KDM3B: variants seen among roughly 807,000 people sequenced by gnomAD.
KDM3B encodes lysine-specific demethylase 3B.
Under a neutral mutation model 170.0 loss-of-function variants are expected in KDM3B, and 10 were observed. The observed-to-expected ratio is 0.06, with a 90% CI of 0.04 to 0.10. The LOEUF is 0.10. Among genes scored for constraint, KDM3B ranks in the 10% least tolerant of loss-of-function variants. KDM3B has a pLI of 1.00. For missense variants in KDM3B, 1,394 were observed against 2,195.2 expected, an observed-to-expected ratio of 0.64 and a Z score of 7.29; for synonymous variants, 831 against 834.8, an observed-to-expected ratio of 1.00 and a Z score of 0.08.
intron 1 of KDM3B, 107 bp downstream of exon 1, chr5:138,353,094 C>T: frequency 1.1e-6 from 1 of 936,650 alleles, no homozygotes; most frequent in Non-Finnish European, 1.4e-6. Context: ...GACCCATTTC[C>T]GTGCCCCCGG....
In KDM3B at chr5:138,420,750, C is replaced by T. The variant is rs1188815432; in HGVS notation, c.3760C>T (p.Pro1254Ser). Reference protein sequence around the residue: ...RSVLNKESHSPFGLDSFNSTA... With the variant: ...RSVLNKESHSSFGLDSFNSTA... Reference sequence around the variant, plus strand: ...GGTGCTCAATAAAGAGTCTCATTCACCCTTTGGGCTGGACTCGTTCAACTC... The same window carrying T: ...GGTGCTCAATAAAGAGTCTCATTCATCCTTTGGGCTGGACTCGTTCAACTC... The change falls in exon 15 of 24, where the codon CCC (proline) becomes TCC (serine). Residue 1254 changes from proline to serine, a missense_variant. Transcript: ENST00000314358. 2 of 1,614,142 alleles carry T rather than the reference C, an allele frequency of 1.2e-6. No homozygotes were observed. The highest frequency in any genetic ancestry group is 2.2e-5 in the East Asian group (1 of 44,874).
At chr5:138,424,466 G>A in intron 16 of KDM3B, 125 bp downstream of exon 16, 1 of 1,110,660 alleles carries the variant, frequency 9.0e-7, no homozygotes, top group Non-Finnish European at 1.3e-6. Flanking sequence ...TAATAGCCTT[G>A]CTACTTCGAG....
At chr5:138,414,165 CTTA>C (rs973159182) in intron 11 of KDM3B, among the ~76,000 whole-genome samples, 2 of 151,756 alleles carry the variant, frequency 1.3e-5, no homozygotes, top group Non-Finnish European at 2.9e-5. Flanking sequence ...AAAGGCAAAA[CTTA>C]TTATTATTTT....
Position 138,436,820 on chromosome 5 carries a change from T to G in KDM3B, c.*1120T>G, listed in dbSNP as rs1306367706. 1 of 152,210 alleles carries G rather than the reference T, an allele frequency of 6.6e-6. No homozygotes were observed. Among genetic ancestry groups the G allele is most frequent in the African/African-American group, 2.4e-5 (1 of 41,452 alleles). 9.4% of individuals were successfully genotyped at this position (152,210 alleles called of 1,614,324 possible). A position where few individuals can be genotyped will look rare whatever the true frequency, so the allele number is the denominator to read the frequency against. Reference sequence around the variant, plus strand: ...TTTATTTGAAAATGGTGGGATTCATTGGCCCATAGGTACATTGGAAAATGT... The same window carrying G: ...TTTATTTGAAAATGGTGGGATTCATGGGCCCATAGGTACATTGGAAAATGT... On this transcript the variant is annotated 3_prime_UTR_variant, in exon 24 of 24. Transcript: ENST00000314358.
chr5:138,389,774 C>G (rs1762376909), intron 7 of KDM3B, among the ~76,000 whole-genome samples: 1 of 122,018 alleles, frequency 8.2e-6, no homozygotes. Context: ...CTCTCTCTCT[C>G]TCTCTCTCTG....
chr5:138,365,563 A>G (rs1412806209), intron 1 of KDM3B, among the ~76,000 whole-genome samples: 2 of 151,870 alleles, frequency 1.3e-5, no homozygotes, highest in African/African-American at 4.8e-5. Context: ...TGGCCTATAC[A>G]GTATTCTTAT....
At chr5:138,435,533 C>G (rs1474115912) in intron 23 of KDM3B, 87 bp from the exon 24 acceptor site, 2 of 1,035,400 alleles carry the variant, frequency 1.9e-6, no homozygotes, top group African/African-American at 3.2e-5. Flanking sequence ...GGGAGTTTCC[C>G]CACTAAACCA....
At chr5:138,357,142 G>A (rs1358228519) in intron 1 of KDM3B, among the ~76,000 whole-genome samples, 1 of 151,834 alleles carries the variant, frequency 6.6e-6, no homozygotes, top group African/African-American at 2.4e-5. Context: ...ATGCGCCACC[G>A]GGCCTGGCTA....
Position 138,426,873 on chromosome 5 carries a change from A to G in KDM3B, c.4412-102A>G, listed in dbSNP as rs1158302154. On this transcript the variant is annotated intron_variant, in intron 17 of 23. Coordinates refer to ENST00000314358, the MANE Select transcript of KDM3B (RefSeq NM_016604.4). ...GCAAGACTCTGTCTCAAAAAAAAAAAAAAAAAAGAAAAAAAAGAGATTAGT... is the reference window on the plus strand; with the variant it reads ...GCAAGACTCTGTCTCAAAAAAAAAAGAAAAAAAGAAAAAAAAGAGATTAGT... 8 of 794,730 alleles carry G rather than the reference A, an allele frequency of 1.0e-5. No individual in the cohort carries two copies. In the East Asian group the frequency reaches 2.2e-4, roughly 22 times the overall value. 49.2% of individuals were successfully genotyped at this position (794,730 alleles called of 1,614,324 possible). A position where few individuals can be genotyped will look rare whatever the true frequency, so the allele number is the denominator to read the frequency against.
chr5:138,383,074 A>G (rs925379128), intron 6 of KDM3B, among the ~76,000 whole-genome samples: 3 of 151,948 alleles, frequency 2.0e-5, no homozygotes, highest in African/African-American at 7.3e-5. Flanking sequence ...GACTGGTAGT[A>G]TGTTGCTGTG....
intron 9 of KDM3B, among the ~76,000 whole-genome samples, chr5:138,395,311 G>A (rs1276020201): frequency 2.0e-5 from 3 of 152,102 alleles, no homozygotes; most frequent in Non-Finnish European, 4.4e-5. Flanking sequence ...ACCAAACTCT[G>A]GTACTCTCCA....
intron 14 of KDM3B, among the ~76,000 whole-genome samples, chr5:138,419,740 C>T (rs1338357934): frequency 2.2e-4 from 23 of 105,278 alleles, no homozygotes; most frequent in African/African-American, 6.2e-4. Context: ...CACACACACA[C>T]ACACACACAC....
At position 138,377,870 on chromosome 5, in the gene KDM3B, A is replaced by G. The variant is rs754099710; in HGVS notation, c.580+45A>G. The G allele has an allele frequency of 7.9e-6, 11 of 1,392,316 alleles. No individual in the cohort carries two copies. The highest frequency in any genetic ancestry group is 9.2e-6 in the Non-Finnish European group (9 of 979,406). 86.2% of individuals were successfully genotyped at this position (1,392,316 alleles called of 1,614,324 possible). ...TGTCCCTGAACTCTGATTCAGGTGA[A>G]TGATCACTGTTGAGTGATAGTATGG... On this transcript the variant is annotated intron_variant, in intron 4 of 23. Transcript: ENST00000314358.
In KDM3B at chr5:138,352,785, CG is replaced by C. The variant is rs1206651254; in HGVS notation, c.-9del. The C allele has an allele frequency of 7.9e-7, 1 of 1,266,706 alleles. No individual in the cohort carries two copies. The highest frequency in any genetic ancestry group is 9.9e-7 in the Non-Finnish European group (1 of 1,007,624). 78.5% of individuals were successfully genotyped at this position (1,266,706 alleles called of 1,614,324 possible). On this transcript the variant is annotated 5_prime_UTR_variant, in exon 1 of 24. Coordinates refer to ENST00000314358, the MANE Select transcript of KDM3B (RefSeq NM_016604.4). ...CGGCGGGCGGGAGCGCGGGTCAGGC[CG>C]GCCCCGGCGATGGCGGACGCGGCGG...
intron 11 of KDM3B, among the ~76,000 whole-genome samples, chr5:138,401,960 G>A (rs1404009944): frequency 6.7e-6 from 1 of 150,352 alleles, no homozygotes; most frequent in Non-Finnish European, 1.5e-5. Flanking sequence ...AAAGGGTCTC[G>A]CTTTGTCACT....
At chr5:138,376,220 C>T (rs2126927180) in intron 3 of KDM3B, among the ~76,000 whole-genome samples, 2 of 152,094 alleles carry the variant, frequency 1.3e-5, no homozygotes, top group South Asian at 4.1e-4. Context: ...TCAAGTGATC[C>T]ACCTGCTTTG....
chr5:138,436,039 C>A lies in KDM3B; in HGVS notation c.*339C>A, dbSNP rs1211509225. The A allele has an allele frequency of 1.1e-5, 3 of 263,396 alleles. No homozygotes were observed. Among genetic ancestry groups the A allele is most frequent in the Non-Finnish European group, 2.2e-5 (3 of 136,798 alleles). 16.3% of individuals were successfully genotyped at this position (263,396 alleles called of 1,614,324 possible). On this transcript the variant is annotated 3_prime_UTR_variant, in exon 24 of 24. Transcript: ENST00000314358. ...GGGCACACCTTTCTTTTCTTTTCCT[C>A]TTGTGCCTAGTTAAGTGGAAATGTG...
chr5:138,410,697 C>T (rs1385293848), intron 11 of KDM3B, among the ~76,000 whole-genome samples: 1 of 152,164 alleles, frequency 6.6e-6, no homozygotes, highest in Non-Finnish European at 1.5e-5. Flanking sequence ...GGATACAAAG[C>T]AAAAGGGGCA....
intron 1 of KDM3B, among the ~76,000 whole-genome samples, chr5:138,364,544 G>T (rs1761695496): frequency 6.6e-6 from 1 of 151,464 alleles, no homozygotes; most frequent in African/African-American, 2.4e-5. Flanking sequence ...TGGTATGATA[G>T]ACACTGAGTA....
Sources: allele counts gnomAD v4.1 joint callset (sites outside exome capture counted in the v4.1 genomes callset), GRCh38; gene constraint gnomAD v4.1.1; transcripts MANE v1.5; gene names NCBI Gene and HGNC (gene_info 2026-07-23, HGNC 2026-07-21).